COL6A2: variants seen among roughly 807,000 people sequenced by gnomAD.
The protein encoded by COL6A2 is collagen type VI alpha 2 chain.
A neutral mutation model predicts 124.9 loss-of-function variants in COL6A2; 90 were observed. That is an observed-to-expected ratio of 0.72 (90% CI 0.61 to 0.86). COL6A2 has a LOEUF of 0.86. Ranked by LOEUF, COL6A2 falls within the 40% of genes least tolerant of loss-of-function variation. The pLI is 0.00. For synonymous variants in COL6A2, 793 were observed against 618.2 expected (o/e 1.28, Z -4.19); for missense variants, 1,607 against 1,502.5 (o/e 1.07, Z -1.15).
In COL6A2 at chr21:46,111,533, G is replaced by A. The variant is rs2078398115; in HGVS notation, c.57G>A (p.Gln19=). 6.2e-7 allele frequency: 1 copy of A among 1,613,074 alleles called. No homozygotes were observed. Among genetic ancestry groups the A allele is most frequent in the African/African-American group, 1.3e-5 (1 of 75,038 alleles). The change falls in exon 2 of 28, where the codon CAG becomes CAA. Residue 19 remains glutamine, a synonymous_variant. Coordinates refer to ENST00000300527, the MANE Select transcript of COL6A2 (RefSeq NM_001849.4). ...LLLWGILGAI[Q]AQQQEVISPD... ...TCTGGGGAATCCTGGGGGCCATCCAGGCCCAGCAGCAGGAGGTCATCTCGC... is the reference window on the plus strand; with the variant it reads ...TCTGGGGAATCCTGGGGGCCATCCAAGCCCAGCAGCAGGAGGTCATCTCGC...
intron 15 of COL6A2, among the ~76,000 whole-genome samples, chr21:46,120,122 GGCCCCCACTGAGGCACCTCTTACCCCCA>G (rs2078538593): frequency 1.9e-4 from 3 of 16,040 alleles, no homozygotes; most frequent in South Asian, 1.2e-3. Context: ...CACACCCCCC[GGCCCCCACTGAGGCACCTCTTACCCCCA>G]GCCCACTGAG....
intron 21 of COL6A2, 35 bp from the exon 22 acceptor site, chr21:46,124,616 G>A (rs748373516): frequency 3.1e-6 from 5 of 1,608,046 alleles, no homozygotes; most frequent in Admixed American, 3.3e-5. Flanking sequence ...TGTCCCTGGG[G>A]CCACTGAAGC....
At chr21:46,099,415 G>C (rs1288087450) in intron 1 of COL6A2, among the ~76,000 whole-genome samples, 4 of 137,060 alleles carry the variant, frequency 2.9e-5, no homozygotes, top group African/African-American at 1.1e-4. Context: ...CTGAGATCGC[G>C]CCACTGCACT....
chr21:46,126,287 C>A lies in COL6A2; in HGVS notation c.2422+50C>A, dbSNP rs80122874. On this transcript the variant is annotated intron_variant, in intron 26 of 27. Coordinates refer to ENST00000300527, the MANE Select transcript of COL6A2 (RefSeq NM_001849.4). ...CGGCCGAGGAGCAGCAGGCCCCAGC[C>A]GCTGTCTAGCGTGAGCCCCAGGGAC... 21 of 1,581,878 alleles carry A rather than the reference C, an allele frequency of 1.3e-5. No individual in the cohort carries two copies. In the Admixed American group the frequency reaches 1.7e-4, roughly 13 times the overall value.
chr21:46,124,214 GTGGATGGA>G (rs998117179), intron 21 of COL6A2, among the ~76,000 whole-genome samples: 10 of 149,660 alleles, frequency 6.7e-5, no homozygotes, highest in African/African-American at 2.4e-4. Context: ...GGGTGGCTGG[GTGGATGGA>G]TGATGGATGG....
chr21:46,116,721 GGGCA>G lies in COL6A2; in HGVS notation c.954+46_955-44del. 6.2e-7 allele frequency: 1 copy of G among 1,613,048 alleles called. No individual in the cohort carries two copies. The highest frequency in any genetic ancestry group is 8.5e-7 in the Non-Finnish European group (1 of 1,180,016). On this transcript the variant is annotated intron_variant, in intron 9 of 27. Transcript: ENST00000300527. The surrounding 1 kb of genome is among the most constrained non-coding windows in gnomAD (Gnocchi z 4.6). ...CAGAGCCCCTCCTTCCTGCTGCTCA[GGGCA>G]GAAGGACCGGGGCTAATGGAGTTCC...
At chr21:46,126,832 T>C (rs932858349) in intron 27 of COL6A2, among the ~76,000 whole-genome samples, 5 of 152,176 alleles carry the variant, frequency 3.3e-5, no homozygotes, top group Admixed American at 1.3e-4. Flanking sequence ...AGGCCCACCA[T>C]GGGCCTTGCA....
At chr21:46,103,618 C>G (rs1343325968) in intron 1 of COL6A2, among the ~76,000 whole-genome samples, 2 of 152,208 alleles carry the variant, frequency 1.3e-5, no homozygotes, top group Non-Finnish European at 2.9e-5. Context: ...TCACTCATCT[C>G]TAAGTATTTT....
chr21:46,131,564 C>T (rs1242644710), intron 27 of COL6A2, among the ~76,000 whole-genome samples: 1 of 152,296 alleles, frequency 6.6e-6, no homozygotes, highest in East Asian at 1.9e-4. Flanking sequence ...CAGGGTCCTC[C>T]TTAAGTACCT....
rs374508658 is a variant in COL6A2, at chr21:46,132,563, C to T, written c.*11C>T. 29 of 1,585,104 alleles carry T rather than the reference C, an allele frequency of 1.8e-5. 1 individual carries two copies. The highest frequency in any genetic ancestry group is 1.3e-4 in the African/African-American group (10 of 74,520). On this transcript the variant is annotated 3_prime_UTR_variant, in exon 28 of 28. Coordinates refer to ENST00000300527, the MANE Select transcript of COL6A2 (RefSeq NM_001849.4). ...CGCTGGATCTGCTAGCGCCGCCGCC[C>T]GGGCCCCGCAGTCGAGGGTCGTGAG...
chr21:46,129,242 G>A (rs745706017), intron 27 of COL6A2: 63 of 1,612,826 alleles, frequency 3.9e-5, no homozygotes, highest in East Asian at 6.7e-5. Flanking sequence ...TCCTCCGCAC[G>A]GAAGAGGGGC....
At chr21:46,122,615 C>G in intron 20 of COL6A2, 84 bp downstream of exon 20, 2 of 1,447,214 alleles carry the variant, frequency 1.4e-6, no homozygotes, top group South Asian at 2.3e-5. Flanking sequence ...CCCACCGTCA[C>G]TGACAGGACC....
intron 1 of COL6A2, among the ~76,000 whole-genome samples, chr21:46,099,691 A>G (rs1292639309): frequency 6.6e-6 from 1 of 152,090 alleles, no homozygotes; most frequent in East Asian, 1.9e-4. Context: ...AGGTCCGCCC[A>G]GGATCCAAAC....
intron 18 of COL6A2, 148 bp from the exon 19 acceptor site, chr21:46,121,960 G>A (rs2078573337): frequency 2.4e-6 from 2 of 844,036 alleles, no homozygotes; most frequent in South Asian, 1.5e-5. Flanking sequence ...GGCGAGGTTG[G>A]CCCTGCCAGG....
chr21:46,129,326 G>A (rs143912540), intron 27 of COL6A2: 85 of 1,612,790 alleles, frequency 5.3e-5, no homozygotes, highest in African/African-American at 5.1e-4. Context: ...CGCAGGACCC[G>A]GCCGCCTACT....
intron 21 of COL6A2, among the ~76,000 whole-genome samples, chr21:46,124,261 G>A (rs913415542): frequency 8.6e-5 from 13 of 151,680 alleles, no homozygotes; most frequent in African/African-American, 2.9e-4. Flanking sequence ...GGATGGGTTA[G>A]TGGGTGGCTG....
intron 1 of COL6A2, among the ~76,000 whole-genome samples, chr21:46,110,391 T>C (rs1380313746): frequency 1.3e-5 from 2 of 152,216 alleles, no homozygotes; most frequent in Non-Finnish European, 2.9e-5. Context: ...TAAAAATGAA[T>C]TGGGAAAAAG....
In COL6A2 at chr21:46,132,476, C is replaced by T; in HGVS notation, c.2984C>T (p.Ala995Val). 7 of 1,607,010 alleles carry T rather than the reference C, an allele frequency of 4.4e-6. No individual in the cohort carries two copies. Among genetic ancestry groups the T allele is most frequent in the Non-Finnish European group, 5.9e-6 (7 of 1,178,046 alleles). ...ACGCTCAGCCTGGGTGACCGCGCCG[C>T]CGTGTTCCACGAGAAGGACTATGAC... ...LTTLSLGDRAAVFHEKDYDSL... is the reference protein window; with the variant it reads ...LTTLSLGDRAVVFHEKDYDSL... Residue 995 changes from alanine to valine, a missense_variant, in exon 28 of 28, where the codon GCC becomes GTC. Coordinates refer to ENST00000300527, the MANE Select transcript of COL6A2 (RefSeq NM_001849.4).
Position 46,129,396 on chromosome 21 carries a change from G to C in COL6A2, c.2462-2558G>C, listed in dbSNP as rs758641089. On this transcript the variant is annotated intron_variant, in intron 27 of 27. Transcript: ENST00000300527. ...GCGGGCCAAGTTCGCCACCGGGGTA[G>C]AGCGGCAGGACTGGATGGAGCTGTT... 11 of 1,612,890 alleles carry C rather than the reference G, an allele frequency of 6.8e-6. No homozygotes were observed. The Admixed American group carries it at 1.8e-4, about 27-fold the overall frequency.
Sources: gnomAD v4.1 joint callset for allele counts (sites outside exome capture counted in the v4.1 genomes callset) on GRCh38, gnomAD v4.1.1 for gene constraint, Gnocchi (gnomAD v3.1) non-coding constraint, MANE v1.5 for transcripts, NCBI Gene and HGNC (gene_info 2026-07-23, HGNC 2026-07-21) for gene names.